Variants in ITFG1 observed in about 807,000 individuals in gnomAD.
ITFG1 encodes the protein T-cell immunomodulatory protein.
Under a neutral mutation model 81.8 loss-of-function variants are expected in ITFG1, and 34 were observed. That is an observed-to-expected ratio of 0.42 (90% CI 0.32 to 0.55). The LOEUF is 0.55. ITFG1 is among the 20% of genes least tolerant of loss of function. The pLI is 0.17. For synonymous variants in ITFG1, 285 were observed against 270.6 expected, an observed-to-expected ratio of 1.05 and a Z score of -0.52; for missense variants, 672 against 755.4, an observed-to-expected ratio of 0.89 and a Z score of 1.29.
chr16:47,381,928 T>G (rs1013998573), intron 6 of ITFG1, among the ~76,000 whole-genome samples: 1 of 152,024 alleles, frequency 6.6e-6, no homozygotes, highest in African/African-American at 2.4e-5. Context: ...GATGATCAAA[T>G]AGTAAAAAGG....
intron 14 of ITFG1, among the ~76,000 whole-genome samples, chr16:47,186,363 A>G (rs1280342195): frequency 2.6e-5 from 4 of 152,172 alleles, no homozygotes; most frequent in African/African-American, 9.6e-5. Flanking sequence ...AATCCTCAAT[A>G]AAATACTGGC....
At chr16:47,171,864 G>A (rs1282728947) in intron 14 of ITFG1, among the ~76,000 whole-genome samples, 5 of 152,082 alleles carry the variant, frequency 3.3e-5, no homozygotes, top group African/African-American at 1.2e-4. Flanking sequence ...GAATAGTTTT[G>A]TATCTGCTTG....
intron 12 of ITFG1, 91 bp downstream of exon 12, chr16:47,258,541 G>T: frequency 1.5e-6 from 1 of 674,268 alleles, no homozygotes. Flanking sequence ...GATCTAGAGG[G>T]TTGTACATCG....
chr16:47,457,377 C>T (rs1448390032), intron 2 of ITFG1, among the ~76,000 whole-genome samples: 1 of 151,104 alleles, frequency 6.6e-6, no homozygotes, highest in African/African-American at 2.4e-5. Context: ...TACATAGACA[C>T]CACATGGTTA....
At chr16:47,316,999 T>C (rs1056905404) in intron 8 of ITFG1, among the ~76,000 whole-genome samples, 3 of 152,190 alleles carry the variant, frequency 2.0e-5, no homozygotes, top group Non-Finnish European at 4.4e-5. Context: ...TCAGGTTTTC[T>C]TGAAGGCCAA....
At chr16:47,348,173 C>T (rs1393113672) in intron 8 of ITFG1, among the ~76,000 whole-genome samples, 5 of 152,162 alleles carry the variant, frequency 3.3e-5, no homozygotes, top group Admixed American at 6.5e-5. Flanking sequence ...TCCAAAGGAA[C>T]GCAACTCCTC....
chr16:47,290,449 C>G (rs190026539), intron 10 of ITFG1, among the ~76,000 whole-genome samples: 1 of 152,116 alleles, frequency 6.6e-6, no homozygotes, highest in Non-Finnish European at 1.5e-5. Flanking sequence ...CTACCTTTCC[C>G]TTTAGATCTA....
intron 8 of ITFG1, among the ~76,000 whole-genome samples, chr16:47,353,698 G>T (rs1174897297): frequency 6.6e-6 from 1 of 151,964 alleles, no homozygotes; most frequent in African/African-American, 2.4e-5. Context: ...CAGTAAAGGT[G>T]CAGGATACAA....
At chr16:47,423,813 G>C (rs958666447) in intron 6 of ITFG1, among the ~76,000 whole-genome samples, 1 of 152,196 alleles carries the variant, frequency 6.6e-6, no homozygotes, top group Non-Finnish European at 1.5e-5. Context: ...AGTCTGATCG[G>C]CTTCCCTTTG....
intron 14 of ITFG1, among the ~76,000 whole-genome samples, chr16:47,188,262 G>A (rs1368328568): frequency 7.9e-5 from 12 of 151,928 alleles, no homozygotes; most frequent in Non-Finnish European, 1.5e-5. Flanking sequence ...CCCATTACTG[G>A]GTATATACCC....
At chr16:47,432,126 A>G (rs554191510) in intron 5 of ITFG1, among the ~76,000 whole-genome samples, 135 of 152,340 alleles carry the variant, frequency 8.9e-4, no homozygotes, top group South Asian at 2.9e-3. Context: ...CCTGGCTCCC[A>G]TGAAATGTCA....
At position 47,460,991 on chromosome 16, in the gene ITFG1, C is replaced by A. The variant is rs1239404796; in HGVS notation, c.55G>T (p.Ala19Ser). The A allele has an allele frequency of 1.3e-6, 2 of 1,573,252 alleles. No homozygotes were observed. Among genetic ancestry groups the A allele is most frequent in the African/African-American group, 1.3e-5 (1 of 74,128 alleles). ...CCGACTCCCAGTAGTGCAAGCCCTGCGAGGAGCGGCGAGAAGAGGGCCCAG... is the reference window on the plus strand; with the variant it reads ...CCGACTCCCAGTAGTGCAAGCCCTGAGAGGAGCGGCGAGAAGAGGGCCCAG... The part of the protein sequence containing the change: ...SSWALFSPLL[A>S]GLALLGVGPV... The change falls in exon 1 of 18, where the codon GCA becomes TCA. Residue 19 changes from alanine (A) to serine (S), a missense_variant. Ala to Ser is a moderately conservative substitution (Grantham distance 99). This residue lies in a region of ITFG1 where 47 missense variants were observed against 26.4 expected (regional missense o/e 1.78). Transcript: ENST00000320640.
intron 2 of ITFG1, among the ~76,000 whole-genome samples, chr16:47,455,478 C>A (rs151057620): frequency 0.014 from 2,047 of 151,570 alleles, 25 homozygotes; most frequent in Non-Finnish European, 0.022. Context: ...AAATGTGACA[C>A]CTGGCTGGGC....
intron 8 of ITFG1, among the ~76,000 whole-genome samples, chr16:47,333,436 A>G (rs1967662259): frequency 6.6e-6 from 1 of 152,202 alleles, no homozygotes; most frequent in African/African-American, 2.4e-5. Flanking sequence ...GCTGAAAAAT[A>G]TGGTTTTTCT....
chr16:47,360,951 A>G (rs1312861840), intron 8 of ITFG1, among the ~76,000 whole-genome samples: 1 of 152,174 alleles, frequency 6.6e-6, no homozygotes, highest in Non-Finnish European at 1.5e-5. Flanking sequence ...AATGTCATTG[A>G]TTACTGTGCT....
At chr16:47,212,550 A>G (rs1965576793) in intron 14 of ITFG1, among the ~76,000 whole-genome samples, 1 of 152,192 alleles carries the variant, frequency 6.6e-6, no homozygotes, top group Non-Finnish European at 1.5e-5. Flanking sequence ...GTGTGGTATA[A>G]TTCTTACCAC....
rs527528238 is a variant in ITFG1 at position 47,450,124 on chromosome 16, G to A, written c.560+1272C>T. 10 of 159,550 alleles carry A rather than the reference G, an allele frequency of 6.3e-5. No homozygotes were observed. In the Admixed American group the frequency reaches 6.4e-4, roughly 10 times the overall value. The allele number at this position is 159,550 out of a possible 1,614,324, so 9.9% of individuals were successfully genotyped here. A position where few individuals can be genotyped will look rare whatever the true frequency, so the allele number is the denominator to read the frequency against. On this transcript the variant is annotated intron_variant, in intron 5 of 17. Transcript: ENST00000320640. Reference sequence around the variant, plus strand: ...TGTGGAAGGAGCGGAGTGGTGGTGGGGAGTGGACTGTGTTTTCCCTGCACC... The same window carrying A: ...TGTGGAAGGAGCGGAGTGGTGGTGGAGAGTGGACTGTGTTTTCCCTGCACC...
chr16:47,307,111 A>AC (rs1567453666), intron 10 of ITFG1, among the ~76,000 whole-genome samples: 1 of 147,394 alleles, frequency 6.8e-6, no homozygotes, highest in Non-Finnish European at 1.5e-5. Context: ...AAAAAAAAAA[A>AC]AAAAAAAAAA....
chr16:47,317,623 A>C (rs1967381381), intron 8 of ITFG1: 1 of 152,158 alleles, frequency 6.6e-6, no homozygotes, highest in South Asian at 2.1e-4. Flanking sequence ...AGATCTAACA[A>C]ATCACAACCT....
Sources: gnomAD v4.1 joint callset for allele counts (sites outside exome capture counted in the v4.1 genomes callset) on GRCh38, gnomAD v4.1.1 for gene constraint, gnomAD v4.1.1 regional missense constraint, MANE v1.5 for transcripts, NCBI Gene and HGNC (gene_info 2026-07-23, HGNC 2026-07-21) for gene names.